Variants in NMRK1 observed in about 807,000 individuals in gnomAD.
The protein encoded by NMRK1 is NRK 1.
In NMRK1, 28 loss-of-function variants were observed where a neutral mutation model predicts 29.9. The ratio of observed to expected loss-of-function variants is 0.94; its 90% CI spans 0.69 to 1.28. NMRK1 has a LOEUF of 1.28. NMRK1 is among the 50% of genes most tolerant of loss of function. The probability of loss-of-function intolerance (pLI) is 0.00; values close to 1 mark genes in which losing one functional copy is unlikely to be tolerated. For synonymous variants in NMRK1, 58 were observed against 73.0 expected (o/e 0.79, Z 1.05); for missense variants, 218 against 233.1 (o/e 0.94, Z 0.42).
Position 75,061,568 on chromosome 9 carries a change from C to G in NMRK1, c.581-1G>C, listed in dbSNP as rs2117947020. On this transcript the variant is annotated splice_acceptor_variant, in intron 8 of 8. Transcript: ENST00000361092. LOFTEE classifies it high-confidence loss of function. ...CGTCTTTATGCTGTCACTTGCAAACCTTGGGAATAAACATAAAAAGAAATT... is the reference window on the plus strand; with the variant it reads ...CGTCTTTATGCTGTCACTTGCAAACGTTGGGAATAAACATAAAAAGAAATT... 1.9e-6 allele frequency: 3 copies of G among 1,607,838 alleles called. No homozygotes were observed. Among genetic ancestry groups the G allele is most frequent in the Non-Finnish European group, 2.6e-6 (3 of 1,175,452 alleles).
At chr9:75,071,932 T>A (rs566053452) in intron 4 of NMRK1, among the ~76,000 whole-genome samples, 2 of 152,204 alleles carry the variant, frequency 1.3e-5, no homozygotes, top group African/African-American at 4.8e-5. Context: ...CAGCTTCCTG[T>A]TTGGTTCCAC....
In NMRK1 at chr9:75,077,476, A is replaced by C. The variant is rs1587390753; in HGVS notation, c.120+14T>G. 6.6e-7 allele frequency: 1 copy of C among 1,514,398 alleles called. No homozygotes were observed. The highest frequency in any genetic ancestry group is 2.3e-5 in the East Asian group (1 of 44,382). 93.8% of individuals were successfully genotyped at this position (1,514,398 alleles called of 1,614,324 possible). On this transcript the variant is annotated intron_variant, in intron 3 of 8. Coordinates refer to ENST00000361092, the MANE Select transcript of NMRK1 (RefSeq NM_017881.3). ...TTTGTATTAAATAAATAATTTAAGAAGTTTTATAGATACCTTGAAGAAATC... is the reference window on the plus strand; with the variant it reads ...TTTGTATTAAATAAATAATTTAAGACGTTTTATAGATACCTTGAAGAAATC...
rs776805335 is a variant in NMRK1, at chr9:75,066,807, A to G, written c.530T>C (p.Leu177Pro). 13 of 1,609,634 alleles carry G rather than the reference A, an allele frequency of 8.1e-6. 1 individual carries two copies. Among genetic ancestry groups the G allele is most frequent in the Middle Eastern group, 1.7e-4 (1 of 6,050 alleles). Residue 177 changes from leucine (L) to proline (P), a missense_variant, in exon 8 of 9, where the codon CTC becomes CCC. Leu to Pro is a moderately conservative substitution (Grantham distance 98). Transcript: ENST00000361092. ...YLDGTKSEED[L>P]FLQVYEDLIQ... ...TAGATCTTCATATACTTGCAAAAAG[A>G]GGTCCTCTTCAGATTTTGTTCCATC...
At chr9:75,083,390 TC>T (rs1312230378) in intron 1 of NMRK1, among the ~76,000 whole-genome samples, 1 of 152,142 alleles carries the variant, frequency 6.6e-6, no homozygotes, top group African/African-American at 2.4e-5. Flanking sequence ...GCCGGAGCAC[TC>T]CCCCTTGAAC....
chr9:75,061,415 T>C lies in NMRK1; in HGVS notation c.*133A>G. 2 of 708,530 alleles carry C rather than the reference T, an allele frequency of 2.8e-6. No homozygotes were observed. Among genetic ancestry groups the C allele is most frequent in the Non-Finnish European group, 4.9e-6 (2 of 408,992 alleles). The allele number at this position is 708,530 out of a possible 1,614,324, so 43.9% of individuals were successfully genotyped here. ...TGTTCCACATGTTGGGAAAACCATG[T>C]GCAATAAAAATCAAACATATGAAAC... is the stretch of plus-strand genomic sequence containing the variant. On this transcript the variant is annotated 3_prime_UTR_variant, in exon 9 of 9. Coordinates refer to ENST00000361092, the MANE Select transcript of NMRK1 (RefSeq NM_017881.3).
intron 1 of NMRK1, among the ~76,000 whole-genome samples, chr9:75,085,916 C>G (rs938630725): frequency 1.8e-5 from 2 of 114,194 alleles, no homozygotes; most frequent in Non-Finnish European, 3.3e-5. Flanking sequence ...GGCAACTGGG[C>G]TAAGTGACTA....
intron 7 of NMRK1, among the ~76,000 whole-genome samples, chr9:75,067,991 C>T (rs3758187): frequency 0.64 from 96,966 of 152,052 alleles, 31,352 homozygotes; most frequent in East Asian, 0.73. Context: ...CCCACAGATC[C>T]GGATGCTTAC....
intron 4 of NMRK1, among the ~76,000 whole-genome samples, chr9:75,072,979 G>A (rs1222013216): frequency 6.6e-6 from 1 of 152,208 alleles, no homozygotes; most frequent in African/African-American, 2.4e-5. Flanking sequence ...TTTTGTCTGT[G>A]AGTCTCATTA....
At chr9:75,066,959 A>G (rs1823390704) in intron 7 of NMRK1, 119 bp from the exon 8 acceptor site, 3 of 615,572 alleles carry the variant, frequency 4.9e-6, no homozygotes, top group Non-Finnish European at 8.7e-6. Flanking sequence ...ACCCAGGACC[A>G]TAACTTAAAA....
chr9:75,066,077 G>A lies in NMRK1; in HGVS notation c.580+680C>T, dbSNP rs114837657. Among the ~76,000 whole-genome samples the A allele has an allele frequency of 8.3e-3, 1,270 of 152,200 alleles. 18 individuals carry two copies. The highest frequency in any genetic ancestry group is 0.029 in the African/African-American group (1,212 of 41,494). On this transcript the variant is annotated intron_variant, in intron 8 of 8. Coordinates refer to ENST00000361092, the MANE Select transcript of NMRK1 (RefSeq NM_017881.3). ...AGTTCCTTAACCCATTAATGTTGGA[G>A]GTTGCAAATTATTTTTGTGAAAAAC...
At chr9:75,063,252 G>A (rs112763883) in intron 8 of NMRK1, among the ~76,000 whole-genome samples, 19,818 of 142,624 alleles carry the variant, frequency 0.14, 1,699 homozygotes, top group Non-Finnish European at 0.19. Flanking sequence ...CTTGCAGTGA[G>A]CCGAAATTGT....
chr9:75,083,631 C>A (rs1824450278), intron 1 of NMRK1, among the ~76,000 whole-genome samples: 1 of 152,148 alleles, frequency 6.6e-6, no homozygotes, highest in African/African-American at 2.4e-5. Flanking sequence ...AAAGATACTG[C>A]CCTTATGAGA....
At chr9:75,083,199 G>A in intron 1 of NMRK1, 49 bp from the exon 2 acceptor site, 2 of 952,520 alleles carry the variant, frequency 2.1e-6, no homozygotes, top group African/African-American at 1.6e-5. Flanking sequence ...TCATTTAGAT[G>A]TCTAGGGAGA....
chr9:75,074,119 A>G lies in NMRK1; in HGVS notation c.169+3040T>C, dbSNP rs922701002. On this transcript the variant is annotated intron_variant, in intron 4 of 8. Transcript: ENST00000361092. ...GTTGCCCAGACTGGAGTGCAGTGGC[A>G]CAACCTTGGCTCACTGCAACCTCAG... Among the ~76,000 whole-genome samples, 6 of 151,420 alleles carry G rather than the reference A, an allele frequency of 4.0e-5. No individual in the cohort carries two copies. In the South Asian group the frequency reaches 1.0e-3, roughly 26 times the overall value.
chr9:75,064,331 T>G (rs1823215538), intron 8 of NMRK1, among the ~76,000 whole-genome samples: 1 of 152,138 alleles, frequency 6.6e-6, no homozygotes, highest in Non-Finnish European at 1.5e-5. Context: ...GTCCAACAGC[T>G]GAAACACTCC....
rs115039085 is a variant in NMRK1 at position 75,084,849 on chromosome 9, G to C, written c.-35-1699C>G. ...TTTAAGTTTCATCCAGAGTTATGTT[G>C]TTGAATACACATCTCCATCCAAATT... On this transcript the variant is annotated intron_variant, in intron 1 of 8. Coordinates refer to ENST00000361092, the MANE Select transcript of NMRK1 (RefSeq NM_017881.3). Among the ~76,000 whole-genome samples, 1,193 of 152,312 alleles carry C rather than the reference G, an allele frequency of 7.8e-3. 15 individuals are homozygous for C. The highest frequency in any genetic ancestry group is 0.027 in the African/African-American group (1,110 of 41,568).
chr9:75,065,990 G>A (rs1305634023), intron 8 of NMRK1, among the ~76,000 whole-genome samples: 1 of 152,198 alleles, frequency 6.6e-6, no homozygotes, highest in African/African-American at 2.4e-5. Flanking sequence ...TGGAGAGCCT[G>A]ACTTCAAAAT....
chr9:75,078,600 G>T, intron 2 of NMRK1: 1 of 1,225,754 alleles, frequency 8.2e-7, no homozygotes, highest in Non-Finnish European at 1.0e-6. Context: ...CATAAGTCAG[G>T]GCATCTGTGA....
In NMRK1 at chr9:75,060,893, A is replaced by G. The variant is rs1822986269; in HGVS notation, c.*655T>C. 6.7e-6 allele frequency: 1 copy of G among 150,030 alleles called. No individual in the cohort carries two copies. The highest frequency in any genetic ancestry group is 6.7e-5 in the Admixed American group (1 of 15,016). The allele number at this position is 150,030 out of a possible 1,614,324, so 9.3% of individuals were successfully genotyped here. On this transcript the variant is annotated 3_prime_UTR_variant, in exon 9 of 9. Coordinates refer to ENST00000361092, the MANE Select transcript of NMRK1 (RefSeq NM_017881.3). ...CACACACACACACACACACACACAC[A>G]CACACTCAACAAAATACACAAATAA...
Sources: gnomAD v4.1 joint callset for allele counts (sites outside exome capture counted in the v4.1 genomes callset) on GRCh38, gnomAD v4.1.1 for gene constraint, MANE v1.5 for transcripts, NCBI Gene and HGNC (gene_info 2026-07-23, HGNC 2026-07-21) for gene names.